The following ZNF48 variants were observed in gnomAD, a reference collection of about 807,000 sequenced individuals.
ZNF48 encodes zinc finger protein 553.
A neutral mutation model predicts 40.0 loss-of-function variants in ZNF48; 20 were observed. The ratio of observed to expected loss-of-function variants is 0.50; its 90% confidence interval spans 0.35 to 0.73. The LOEUF (loss-of-function observed/expected upper bound fraction) is 0.73. Among genes scored for constraint, ZNF48 ranks in the 30% least tolerant of loss-of-function variants. The pLI, the probability that ZNF48 is intolerant of heterozygous loss-of-function variation, is 0.01. For synonymous variants in ZNF48, 298 were observed against 329.7 expected, an observed-to-expected ratio of 0.90 and a Z score of 1.04; for missense variants, 726 against 851.9, an observed-to-expected ratio of 0.85 and a Z score of 1.84.
chr16:30,386,005 G>A (rs2049897966), intron 1 of ZNF48, among the ~76,000 whole-genome samples: 1 of 152,090 alleles, frequency 6.6e-6, no homozygotes, highest in African/African-American at 2.4e-5. Context: ...AGGCCAGGCA[G>A]TGGCTCATGT....
chr16:30,378,732 G>A, intron 1 of ZNF48: 1 of 1,594,490 alleles, frequency 6.3e-7, no homozygotes, highest in Non-Finnish European at 8.5e-7. Flanking sequence ...ACAGGAATCA[G>A]GAGCGGGACC....
rs777510863 is a variant in ZNF48 at position 30,397,298 on chromosome 16, G to A, written c.80-32G>A. On this transcript the variant is annotated intron_variant, in intron 2 of 2. Coordinates refer to ENST00000613509, the MANE Select transcript of ZNF48 (RefSeq NM_001214909.2). The surrounding 1 kb of genome is among the most constrained non-coding windows in gnomAD (Gnocchi z 4.1). ...TCAAAGATAAGTACCGAGCCAAAGG[G>A]GAGGGTCTACAACTTCCTTTTCTTT... 1.8e-5 allele frequency: 29 copies of A among 1,571,910 alleles called. No homozygotes were observed. Among genetic ancestry groups the A allele is most frequent in the African/African-American group, 2.7e-5 (2 of 73,672 alleles).
At chr16:30,394,612 T>C, upstream of ZNF48, 1 of 152,916 alleles carries the variant, frequency 6.5e-6, no homozygotes, top group Non-Finnish European at 1.5e-5. Context: ...CCCGTTTCGC[T>C]CACTATCGTC....
At chr16:30,386,231 G>T (rs2049899559) in intron 1 of ZNF48, among the ~76,000 whole-genome samples, 1 of 152,036 alleles carries the variant, frequency 6.6e-6, no homozygotes, top group South Asian at 2.1e-4. Context: ...ATGAGTCATT[G>T]TGGTGTCACT....
chr16:30,397,095 G>C lies in ZNF48; in HGVS notation c.80-235G>C, dbSNP rs1274688393. Among the ~76,000 whole-genome samples, 3 of 152,134 alleles carry C rather than the reference G, an allele frequency of 2.0e-5. No individual in the cohort carries two copies. Among genetic ancestry groups the C allele is most frequent in the Non-Finnish European group, 4.4e-5 (3 of 68,026 alleles). On this transcript the variant is annotated intron_variant, in intron 2 of 2. Transcript: ENST00000613509. The surrounding 1 kb of genome is among the most constrained non-coding windows in gnomAD (Gnocchi z 4.1). ...GGGATAGTCATAGTGTTATAGTATT[G>C]TTTGCAAGCGTTTAATACTAATGCT...
At chr16:30,378,762 C>T (rs2049790471) in intron 1 of ZNF48, 1 of 1,492,092 alleles carries the variant, frequency 6.7e-7, no homozygotes, top group Non-Finnish European at 9.1e-7. Context: ...GGGTGAGGCC[C>T]AGGAGGCAGG....
intron 1 of ZNF48, among the ~76,000 whole-genome samples, chr16:30,386,939 CTTT>C (rs1173887858): frequency 4.6e-5 from 5 of 107,608 alleles, no homozygotes; most frequent in Admixed American, 3.0e-4. Flanking sequence ...TGCACCTGGC[CTTT>C]TTTTTTTTTT....
intron 1 of ZNF48, among the ~76,000 whole-genome samples, chr16:30,384,213 T>TCAAA (rs904804393): frequency 1.4e-4 from 20 of 145,738 alleles, no homozygotes; most frequent in South Asian, 1.1e-3. Context: ...AGACCCTATC[T>TCAAA]CAAACAAACA....
At position 30,384,592 on chromosome 16, in the gene ZNF48, G is replaced by C. The variant is rs530709749; in HGVS notation, c.-16+6182G>C. 6.6e-5 allele frequency among the ~76,000 whole-genome samples: 10 copies of C among 151,678 alleles called. No individual in the cohort carries two copies. In the South Asian group the frequency reaches 1.7e-3, roughly 25 times the overall value. ...TAGGGACTGTTAAGAATCTGGAAAG[G>C]GGGGCTGGGTGCGGTGGCTCATGCC... On this transcript the variant is annotated intron_variant, in intron 1 of 2. Transcript: ENST00000528032.
At chr16:30,379,374 G>T (rs1188662412) in intron 1 of ZNF48, 17 of 1,492,798 alleles carry the variant, frequency 1.1e-5, no homozygotes, top group South Asian at 9.1e-5. Context: ...TGTTGAGTGC[G>T]CCTGACCCAG....
At chr16:30,390,856 C>T (rs575863250), upstream of ZNF48, among the ~76,000 whole-genome samples, 1 of 151,958 alleles carries the variant, frequency 6.6e-6, no homozygotes, top group South Asian at 2.1e-4. Flanking sequence ...GATCTCCTGA[C>T]CTCGTGATCT....
intron 1 of ZNF48, among the ~76,000 whole-genome samples, chr16:30,389,848 TTTTTTA>T: frequency 7.7e-6 from 1 of 130,566 alleles, no homozygotes; most frequent in African/African-American, 3.0e-5. Flanking sequence ...TTTTTTTTTT[TTTTTTA>T]GAAACAGGGT....
At chr16:30,384,990 AAC>A (rs1442751383) in intron 1 of ZNF48, among the ~76,000 whole-genome samples, 10 of 151,964 alleles carry the variant, frequency 6.6e-5, no homozygotes, top group African/African-American at 2.4e-4. Context: ...CAGCCTGAGC[AAC>A]ATGGAGAAAC....
intron 1 of ZNF48, among the ~76,000 whole-genome samples, chr16:30,384,156 A>C (rs2049881017): frequency 6.6e-6 from 1 of 152,140 alleles, no homozygotes; most frequent in Non-Finnish European, 1.5e-5. Context: ...TGGAGGTTGC[A>C]GTGAGCCGAG....
Position 30,381,449 on chromosome 16 carries a change from G to C in ZNF48, c.-16+3039G>C, listed in dbSNP as rs771721047. Reference sequence around the variant, plus strand: ...TAAGGTACTGCTCAAATTGCTCCTCGATGAATTTCACCACCGGAAGCCAGC... The same window carrying C: ...TAAGGTACTGCTCAAATTGCTCCTCCATGAATTTCACCACCGGAAGCCAGC... On this transcript the variant is annotated intron_variant, in intron 1 of 2. Transcript: ENST00000528032. The surrounding 1 kb of genome is among the most constrained non-coding windows in gnomAD (Gnocchi z 4.3). The C allele has an allele frequency of 1.2e-6, 2 of 1,613,908 alleles. No individual in the cohort carries two copies. Among genetic ancestry groups the C allele is most frequent in the Non-Finnish European group, 1.7e-6 (2 of 1,180,014 alleles).
chr16:30,381,751 C>T lies in ZNF48; in HGVS notation c.-16+3341C>T, dbSNP rs561777773. 3 of 1,613,836 alleles carry T rather than the reference C, an allele frequency of 1.9e-6. No individual in the cohort carries two copies. The highest frequency in any genetic ancestry group is 1.6e-4 in the Middle Eastern group (1 of 6,062). On this transcript the variant is annotated intron_variant, in intron 1 of 2. Coordinates refer to the ZNF48 transcript ENST00000528032. The surrounding 1 kb of genome is among the most constrained non-coding windows in gnomAD (Gnocchi z 4.3). ...AGGCTGAGCCTCTGTCCCCTTTCCT[C>T]TTCCTCACCAGTCAGAGCAGTCCAC...
chr16:30,380,265 A>C (rs1225282577), intron 1 of ZNF48: 2 of 308,274 alleles, frequency 6.5e-6, no homozygotes, highest in Non-Finnish European at 1.2e-5. Context: ...GACCAGGAGA[A>C]GCCTGGGCAA....
Position 30,398,922 on chromosome 16 carries a change from C to G in ZNF48, c.1672C>G (p.Leu558Val). Residue 558 changes from leucine (L) to valine (V), a missense_variant, in exon 3 of 3, where the codon CTG becomes GTG. Leu to Val is a conservative substitution (Grantham distance 32). Around this residue, in one of 5 missense-constraint regions of ZNF48, gnomAD observed 166 missense variants for 163.6 expected, o/e 1.01. Coordinates refer to ENST00000613509, the MANE Select transcript of ZNF48 (RefSeq NM_001214909.2). This position sits in a 1 kb window ranked among gnomAD's most constrained non-coding sequence, Gnocchi z 6.6. ...GAAGGAGTTCCCCCGGAGCTCAGAT[C>G]TGGTCAAACACAGGCGTACACACAC... is the stretch of plus-strand genomic sequence containing the variant. ...CGKEFPRSSDLVKHRRTHTGE... is the reference protein window; with the variant it reads ...CGKEFPRSSDVVKHRRTHTGE... 1.2e-6 allele frequency: 2 copies of G among 1,613,750 alleles called. No individual in the cohort carries two copies. Among genetic ancestry groups the G allele is most frequent in the Non-Finnish European group, 1.7e-6 (2 of 1,179,862 alleles).
chr16:30,389,294 G>A (rs184054353), intron 1 of ZNF48, among the ~76,000 whole-genome samples: 2 of 152,054 alleles, frequency 1.3e-5, no homozygotes, highest in African/African-American at 4.8e-5. Flanking sequence ...GGGAGGCTGA[G>A]GCAGGAGAAT....
Sources: allele counts gnomAD v4.1 joint callset (sites outside exome capture counted in the v4.1 genomes callset), GRCh38; gene constraint gnomAD v4.1.1; regional missense constraint gnomAD v4.1.1; non-coding constraint Gnocchi (gnomAD v3.1); transcripts MANE v1.5; gene names NCBI Gene and HGNC (gene_info 2026-07-23, HGNC 2026-07-21).